Variants in STARD13 observed in about 807,000 individuals in gnomAD.
STARD13 encodes stAR-related lipid transfer protein 13.
Under a neutral mutation model 106.4 loss-of-function variants are expected in STARD13, and 62 were observed. That is an observed-to-expected ratio of 0.58 (90% CI 0.48 to 0.72). The LOEUF (loss-of-function observed/expected upper bound fraction) is 0.72. STARD13 is among the 30% of genes least tolerant of loss of function. The probability of loss-of-function intolerance (pLI) is 0.00; values close to 1 mark genes in which losing one functional copy is unlikely to be tolerated. For missense variants in STARD13, 1,387 were observed against 1,424.0 expected (o/e 0.97, Z 0.42); for synonymous variants, 565 against 553.0 (o/e 1.02, Z -0.31).
At chr13:33,638,997 A>C in the STARD13 span, among the ~76,000 whole-genome samples, 1 of 151,964 alleles carries the variant, frequency 6.6e-6, no homozygotes. Context: ...TTCTTTCCGC[A>C]GATATTTGTG....
chr13:33,371,855 G>T, the STARD13 span, among the ~76,000 whole-genome samples: 3 of 152,144 alleles, frequency 2.0e-5, no homozygotes, highest in Non-Finnish European at 2.9e-5. Flanking sequence ...TTTCAGAACT[G>T]AAATTAGGAA....
intron 3 of STARD13, among the ~76,000 whole-genome samples, chr13:33,155,847 T>G (rs1881889355): frequency 6.6e-6 from 1 of 152,086 alleles, no homozygotes; most frequent in Non-Finnish European, 1.5e-5. Context: ...AACAGGTTAG[T>G]GCAAGAACCC....
chr13:33,368,198 G>A, the STARD13 span, among the ~76,000 whole-genome samples: 1 of 152,152 alleles, frequency 6.6e-6, no homozygotes, highest in Non-Finnish European at 1.5e-5. Flanking sequence ...TCCCGAGCTA[G>A]GTCACATCTA....
chr13:33,351,260 A>AAAATAGACAAAG (rs2078076596), upstream of STARD13, among the ~76,000 whole-genome samples: 1 of 152,266 alleles, frequency 6.6e-6, no homozygotes, highest in Non-Finnish European at 1.5e-5. Context: ...AAATAGATTT[A>AAAATAGACAAAG]CATACTTTGA....
chr13:33,669,508 G>A, the STARD13 span, among the ~76,000 whole-genome samples: 1 of 148,316 alleles, frequency 6.7e-6, no homozygotes, highest in South Asian at 2.1e-4. Flanking sequence ...CTCACTAACT[G>A]CTATGATAAG....
exon 1 of STARD13, chr13:33,350,591 C>T (rs913692904): frequency 1.4e-6 from 2 of 1,386,862 alleles, no homozygotes; most frequent in African/African-American, 1.5e-5. Flanking sequence ...CGCGCGAGGA[C>T]CGGGATGCCT....
At chr13:33,538,771 A>G in the STARD13 span, among the ~76,000 whole-genome samples, 1 of 143,096 alleles carries the variant, frequency 7.0e-6, no homozygotes, top group East Asian at 2.0e-4. Context: ...AAACTATTTA[A>G]TTTTTTTTTT....
chr13:33,160,019 A>G (rs938271083), intron 3 of STARD13, among the ~76,000 whole-genome samples: 3 of 152,218 alleles, frequency 2.0e-5, no homozygotes, highest in Non-Finnish European at 2.9e-5. Flanking sequence ...AGGCACTAGA[A>G]TAGCCAAAGC....
chr13:33,131,323 C>T (rs575789286), intron 4 of STARD13, among the ~76,000 whole-genome samples: 10 of 152,168 alleles, frequency 6.6e-5, no homozygotes, highest in Non-Finnish European at 1.3e-4. Flanking sequence ...TTAGTGTAGG[C>T]CTTGCCACCT....
chr13:33,294,066 C>G (rs1394024927), intron 1 of STARD13, among the ~76,000 whole-genome samples: 1 of 152,140 alleles, frequency 6.6e-6, no homozygotes, highest in Non-Finnish European at 1.5e-5. Context: ...TTTAAGGTCC[C>G]TTGTGAAAAT....
intron 1 of STARD13, among the ~76,000 whole-genome samples, chr13:33,245,535 TG>T (rs1889780255): frequency 6.6e-6 from 1 of 152,214 alleles, no homozygotes; most frequent in South Asian, 2.1e-4. Context: ...AAAACATGGC[TG>T]GATACCAGTA....
the STARD13 span, among the ~76,000 whole-genome samples, chr13:33,452,247 G>A: frequency 6.6e-6 from 1 of 152,046 alleles, no homozygotes; most frequent in Admixed American, 6.5e-5. Flanking sequence ...ATGGTGGGCA[G>A]CCAATAGTTG....
chr13:33,479,465 A>G, the STARD13 span, among the ~76,000 whole-genome samples: 6 of 152,240 alleles, frequency 3.9e-5, no homozygotes, highest in Non-Finnish European at 7.3e-5. Context: ...GACCTAAAAG[A>G]GTCAAACATA....
chr13:33,602,407 T>C, the STARD13 span, among the ~76,000 whole-genome samples: 1 of 152,242 alleles, frequency 6.6e-6, no homozygotes, highest in Admixed American at 6.5e-5. Flanking sequence ...TTTTTAAGCA[T>C]TTAAAAAATG....
the STARD13 span, among the ~76,000 whole-genome samples, chr13:33,591,846 T>C: frequency 6.6e-6 from 1 of 152,214 alleles, no homozygotes; most frequent in Non-Finnish European, 1.5e-5. Flanking sequence ...TTGGACAGCT[T>C]TAAGCTTTGA....
chr13:33,587,407 C>T, the STARD13 span, among the ~76,000 whole-genome samples: 4 of 152,106 alleles, frequency 2.6e-5, no homozygotes, highest in African/African-American at 9.7e-5. Context: ...CAAGCTTAAT[C>T]TCATTTTGAA....
intron 1 of STARD13, among the ~76,000 whole-genome samples, chr13:33,279,241 T>C (rs935360392): frequency 1.3e-5 from 2 of 152,182 alleles, no homozygotes; most frequent in Non-Finnish European, 2.9e-5. Context: ...TCTTTTTAAA[T>C]CTGTTTTAGG....
intron 1 of STARD13, among the ~76,000 whole-genome samples, chr13:33,283,803 G>A: frequency 6.6e-6 from 1 of 152,184 alleles, no homozygotes; most frequent in African/African-American, 2.4e-5. Flanking sequence ...CAGTGATAGT[G>A]CATGTGTTCA....
chr13:33,576,216 A>G, the STARD13 span, among the ~76,000 whole-genome samples: 2 of 152,000 alleles, frequency 1.3e-5, no homozygotes, highest in Non-Finnish European at 2.9e-5. Flanking sequence ...TTTTAAAATT[A>G]CTGTTGGTTC....
Sources: gnomAD v4.1 joint callset for allele counts (sites outside exome capture counted in the v4.1 genomes callset) on GRCh38, gnomAD v4.1.1 for gene constraint, MANE v1.5 for transcripts, NCBI Gene and HGNC (gene_info 2026-07-23, HGNC 2026-07-21) for gene names.